VPS13B: variants seen among roughly 807,000 people sequenced by gnomAD.
VPS13B encodes intermembrane lipid transfer protein VPS13B.
A neutral mutation model predicts 426.4 loss-of-function variants in VPS13B; 285 were observed. The observed-to-expected ratio is 0.67, with a 90% confidence interval of 0.61 to 0.74. The LOEUF (loss-of-function observed/expected upper bound fraction) is 0.74, where lower values mean the gene tolerates loss of function less well. Ranked by LOEUF, VPS13B falls within the 30% of genes least tolerant of loss-of-function variation. The probability of loss-of-function intolerance (pLI) is 0.00; values close to 1 mark genes in which losing one functional copy is unlikely to be tolerated. For synonymous variants in VPS13B, 1,676 were observed against 1,676.4 expected (o/e 1.00, Z 0.01); for missense variants, 4,537 against 4,782.6 (o/e 0.95, Z 1.51).
At chr8:99,290,546 C>T (rs4735608) in intron 19 of VPS13B, among the ~76,000 whole-genome samples, 9,492 of 151,592 alleles carry the variant, frequency 0.063, 403 homozygotes, top group African/African-American at 0.12. Flanking sequence ...AGGAGATATA[C>T]CTAATGTAAA....
chr8:99,233,015 T>G, intron 17 of VPS13B: 1 of 866,704 alleles, frequency 1.2e-6, no homozygotes, highest in South Asian at 1.4e-5. Flanking sequence ...AGGGCTCCAT[T>G]CATCTGTTGT....
chr8:99,234,076 T>G (rs1352549981), intron 17 of VPS13B: 1 of 781,202 alleles, frequency 1.3e-6, no homozygotes, highest in Non-Finnish European at 2.4e-6. Context: ...CTGTCCGGCC[T>G]GAGAAGAGCC....
intron 16 of VPS13B, among the ~76,000 whole-genome samples, chr8:99,192,265 A>G (rs936721808): frequency 6.6e-6 from 1 of 152,214 alleles, no homozygotes; most frequent in African/African-American, 2.4e-5. Context: ...ATAATTTTCC[A>G]TGTTACTATC....
At chr8:99,687,012 T>C (rs1831439796) in intron 35 of VPS13B, among the ~76,000 whole-genome samples, 1 of 152,010 alleles carries the variant, frequency 6.6e-6, no homozygotes, top group Non-Finnish European at 1.5e-5. Flanking sequence ...CCAGGGCCCA[T>C]GGTGAGTATT....
rs1166109240 is a variant in VPS13B at position 99,817,582 on chromosome 8, C to G, written c.8140C>G (p.Gln2714Glu). 6.2e-7 allele frequency: 1 copy of G among 1,614,024 alleles called. No individual in the cohort carries two copies. Among genetic ancestry groups the G allele is most frequent in the South Asian group, 1.1e-5 (1 of 91,064 alleles). Residue 2714 changes from glutamine to glutamate, a missense_variant, in exon 45 of 62, where the codon CAA becomes GAA. This residue lies in a region of VPS13B where 4,311 missense variants were observed against 4,474.3 expected (regional missense o/e 0.96). Coordinates refer to ENST00000357162, the MANE Select transcript of VPS13B (RefSeq NM_152564.5). Reference sequence around the variant, plus strand: ...ACAGATCATCTGTAGTTACTTGTCTCAAAGCATAGAACTAAAAGTCGTTCA... The same window carrying G: ...ACAGATCATCTGTAGTTACTTGTCTGAAAGCATAGAACTAAAAGTCGTTCA... ...GRQIICSYLS[Q>E]SIELKVVQHY...
intron 36 of VPS13B, among the ~76,000 whole-genome samples, chr8:99,706,797 A>G (rs2130239859): frequency 6.6e-6 from 1 of 152,314 alleles, no homozygotes; most frequent in South Asian, 2.1e-4. Context: ...AGTATTAAGT[A>G]AAATGGACAA....
chr8:99,255,435 G>A (rs747388692), intron 17 of VPS13B, among the ~76,000 whole-genome samples: 11 of 152,082 alleles, frequency 7.2e-5, no homozygotes, highest in Non-Finnish European at 1.5e-4. Context: ...GGTACGATGA[G>A]TGATTTTTAT....
At chr8:99,392,703 A>T (rs1237600073) in intron 21 of VPS13B, among the ~76,000 whole-genome samples, 1 of 152,126 alleles carries the variant, frequency 6.6e-6, no homozygotes. Context: ...CAAAATGCTA[A>T]AATAAATTTG....
At chr8:99,230,823 G>A (rs1816284399) in intron 17 of VPS13B, among the ~76,000 whole-genome samples, 1 of 152,236 alleles carries the variant, frequency 6.6e-6, no homozygotes, top group African/African-American at 2.4e-5. Flanking sequence ...TAGAAATGCA[G>A]ATTCAAGTTG....
At chr8:99,765,061 C>T (rs1027645798) in intron 39 of VPS13B, among the ~76,000 whole-genome samples, 2 of 152,068 alleles carry the variant, frequency 1.3e-5, no homozygotes, top group South Asian at 4.1e-4. Flanking sequence ...GCCTGGCCAA[C>T]ATGGCGAAAC....
chr8:99,212,294 C>T (rs898832672), intron 17 of VPS13B, among the ~76,000 whole-genome samples: 2 of 152,200 alleles, frequency 1.3e-5, no homozygotes, highest in Admixed American at 1.3e-4. Context: ...TCCTTCTATA[C>T]TGATTGGTTG....
At chr8:99,438,640 C>CAACT (rs752324232) in intron 22 of VPS13B, among the ~76,000 whole-genome samples, 4 of 152,156 alleles carry the variant, frequency 2.6e-5, no homozygotes, top group Non-Finnish European at 5.9e-5. Flanking sequence ...CCAAGACAAC[C>CAACT]AACTGTAGGC....
intron 2 of VPS13B, among the ~76,000 whole-genome samples, chr8:99,023,905 A>T (rs1317899408): frequency 6.6e-6 from 1 of 152,178 alleles, no homozygotes; most frequent in African/African-American, 2.4e-5. Flanking sequence ...TACTAATTTT[A>T]TTTGTATGTA....
intron 39 of VPS13B, among the ~76,000 whole-genome samples, chr8:99,726,892 T>C (rs1306179048): frequency 6.6e-6 from 1 of 152,228 alleles, no homozygotes; most frequent in African/African-American, 2.4e-5. Flanking sequence ...TATTTTATTA[T>C]AGCAGCATAA....
chr8:99,337,245 C>CAGTGAAG (rs1223477135), intron 19 of VPS13B, among the ~76,000 whole-genome samples: 1 of 151,606 alleles, frequency 6.6e-6, no homozygotes, highest in Non-Finnish European at 1.5e-5. Context: ...TCATCATTCT[C>CAGTGAAG]AGTGAAGTAT....
chr8:99,593,809 A>G (rs916798765), intron 33 of VPS13B, among the ~76,000 whole-genome samples: 1 of 152,138 alleles, frequency 6.6e-6, no homozygotes. Flanking sequence ...ATACAAGAAT[A>G]GAAAACCAAA....
rs1385095927 is a variant in VPS13B at position 99,372,111 on chromosome 8, C to T, written c.2825-12097C>T. On this transcript the variant is annotated intron_variant, in intron 19 of 61. Transcript: ENST00000357162. The stretch of plus-strand genomic sequence containing the variant: ...CTAAAAATACAAAAAATTAGCCGGG[C>T]GAGGTGGCGGGCGCCTGTAGTCCCA... Among the ~76,000 whole-genome samples, 6 of 151,622 alleles carry T rather than the reference C, an allele frequency of 4.0e-5. No individual in the cohort carries two copies. The South Asian group carries it at 1.0e-3, about 26-fold the overall frequency.
chr8:99,582,443 A>G (rs1006887482), intron 33 of VPS13B, among the ~76,000 whole-genome samples: 1 of 152,024 alleles, frequency 6.6e-6, no homozygotes, highest in South Asian at 2.1e-4. Context: ...TTCACTTGCT[A>G]TTTGTTGTTA....
chr8:99,850,345 A>G lies in VPS13B; in HGVS notation c.10061+1451A>G, dbSNP rs563145385. Among the ~76,000 whole-genome samples the G allele has an allele frequency of 1.5e-3, 207 of 135,042 alleles. 4 individuals carry two copies. Among genetic ancestry groups the G allele is most frequent in the African/African-American group, 5.9e-3 (199 of 33,458 alleles). The allele number at this position is 135,042 out of a possible 152,430, so 88.6% of individuals were successfully genotyped here. On this transcript the variant is annotated intron_variant, in intron 55 of 61. Coordinates refer to ENST00000357162, the MANE Select transcript of VPS13B (RefSeq NM_152564.5). The stretch of plus-strand genomic sequence containing the variant: ...CATAAGTACGCATGTATGTACTTAT[A>G]CATACATACATAAGTACGCATGTAT...
Sources: gnomAD v4.1 joint callset for allele counts (sites outside exome capture counted in the v4.1 genomes callset) on GRCh38, gnomAD v4.1.1 for gene constraint, gnomAD v4.1.1 regional missense constraint, MANE v1.5 for transcripts, NCBI Gene and HGNC (gene_info 2026-07-23, HGNC 2026-07-21) for gene names.